LRP1B: variants seen among roughly 807,000 people sequenced by gnomAD.
The protein encoded by LRP1B is LDL receptor related protein 1B, also known as low-density lipoprotein receptor-related protein 1B.
Under a neutral mutation model 556.6 loss-of-function variants are expected in LRP1B, and 217 were observed. The observed-to-expected ratio is 0.39, with a 90% CI of 0.35 to 0.44. The LOEUF (loss-of-function observed/expected upper bound fraction) is 0.44. Among genes scored for constraint, LRP1B ranks in the 20% least tolerant of loss-of-function variants. The pLI is 1.00. For synonymous variants in LRP1B, 2,047 were observed against 1,865.8 expected (o/e 1.10, Z -2.50); for missense variants, 5,053 against 5,620.8 (o/e 0.90, Z 3.23).
At chr2:141,496,241 G>A (rs1235743562) in intron 2 of LRP1B, among the ~76,000 whole-genome samples, 1 of 151,554 alleles carries the variant, frequency 6.6e-6, no homozygotes, top group Non-Finnish European at 1.5e-5. Flanking sequence ...ATAAACATTT[G>A]GTAAATGCCA....
At chr2:140,516,570 CA>C (rs1689911275) in intron 50 of LRP1B, among the ~76,000 whole-genome samples, 1 of 151,824 alleles carries the variant, frequency 6.6e-6, no homozygotes, top group African/African-American at 2.4e-5. Context: ...TAGCAGAAAG[CA>C]AATACATCAG....
At chr2:140,824,166 T>C (rs988336551) in intron 31 of LRP1B, among the ~76,000 whole-genome samples, 2 of 151,996 alleles carry the variant, frequency 1.3e-5, no homozygotes, top group African/African-American at 2.4e-5. Context: ...TGAAATTCTT[T>C]AGTATTTTCT....
At chr2:140,510,617 C>G (rs1468509208) in intron 51 of LRP1B, among the ~76,000 whole-genome samples, 1 of 152,076 alleles carries the variant, frequency 6.6e-6, no homozygotes, top group Non-Finnish European at 1.5e-5. Context: ...TCCTAAGCAC[C>G]CTCTGAATCC....
intron 1 of LRP1B, among the ~76,000 whole-genome samples, chr2:141,822,130 C>CACACACAGAGAGAGAGAGAGAGAGAG (rs374369026): frequency 1.0e-5 from 1 of 95,864 alleles, no homozygotes; most frequent in Non-Finnish European, 2.0e-5. Context: ...CACACACACA[C>CACACACAGAGAGAGAGAGAGAGAGAG]AGAGAGAGAG....
chr2:141,657,576 T>C (rs1431327906), intron 2 of LRP1B, among the ~76,000 whole-genome samples: 1 of 151,044 alleles, frequency 6.6e-6, no homozygotes, highest in Non-Finnish European at 1.5e-5. Flanking sequence ...TTGTTTCAAT[T>C]ATACATTTCT....
Position 141,274,564 on chromosome 2 carries a change from G to C in LRP1B, c.344-19923C>G, listed in dbSNP as rs185759878. On this transcript the variant is annotated intron_variant, in intron 3 of 90. Coordinates refer to ENST00000389484, the MANE Select transcript of LRP1B (RefSeq NM_018557.3). ...ACTGGGGGATATTGTGGGAAAATGA[G>C]GAGTGACTGCTAATGGATGCATGGC... Among the ~76,000 whole-genome samples the C allele has an allele frequency of 7.2e-5, 11 of 152,168 alleles. No homozygotes were observed. The East Asian group carries it at 2.1e-3, about 29-fold the overall frequency.
intron 3 of LRP1B, among the ~76,000 whole-genome samples, chr2:141,379,121 G>A (rs959586999): frequency 1.8e-4 from 28 of 152,188 alleles, no homozygotes; most frequent in Admixed American, 5.9e-4. Context: ...CAGTAAAGAA[G>A]CAGCAATTCA....
intron 35 of LRP1B, among the ~76,000 whole-genome samples, chr2:140,765,384 G>A (rs1689065779): frequency 6.6e-6 from 1 of 152,154 alleles, no homozygotes; most frequent in Non-Finnish European, 1.5e-5. Context: ...AGGGAGAACT[G>A]AATATTGAAT....
At chr2:141,390,068 G>A (rs1056707523) in intron 3 of LRP1B, among the ~76,000 whole-genome samples, 1 of 152,126 alleles carries the variant, frequency 6.6e-6, no homozygotes, top group East Asian at 1.9e-4. Context: ...AACCTGGGAG[G>A]TGGAGCTTGC....
At chr2:141,846,766 C>T (rs546607763) in intron 1 of LRP1B, among the ~76,000 whole-genome samples, 15 of 151,340 alleles carry the variant, frequency 9.9e-5, no homozygotes, top group African/African-American at 3.6e-4. Flanking sequence ...ACACAAAAAA[C>T]ATAGGATCGT....
rs376491519 is a variant in LRP1B, at chr2:141,442,584, C to A, written c.343+37812G>T. Among the ~76,000 whole-genome samples, 4 of 152,192 alleles carry A rather than the reference C, an allele frequency of 2.6e-5. No individual in the cohort carries two copies. In the East Asian group the frequency reaches 5.8e-4, roughly 22 times the overall value. The stretch of plus-strand genomic sequence containing the variant: ...CCTAATGCTATCCCTCCCTCAGCCC[C>A]CAACCTGCAAACATGCCCCAGTGTG... On this transcript the variant is annotated intron_variant, in intron 3 of 90. Transcript: ENST00000389484.
At chr2:140,926,056 C>CTTTT (rs70991119) in intron 20 of LRP1B, among the ~76,000 whole-genome samples, 30 of 86,004 alleles carry the variant, frequency 3.5e-4, no homozygotes, top group East Asian at 1.2e-3. Flanking sequence ...TGGAGATTTT[C>CTTTT]TTTTTTTTTT....
At chr2:140,321,496 G>GT (rs1396444715) in intron 82 of LRP1B, among the ~76,000 whole-genome samples, 2 of 151,752 alleles carry the variant, frequency 1.3e-5, no homozygotes, top group East Asian at 3.9e-4. Context: ...TAGTAGTATT[G>GT]TAAGTCCCAT....
intron 7 of LRP1B, among the ~76,000 whole-genome samples, chr2:141,185,059 AT>A (rs1384459843): frequency 3.9e-5 from 6 of 152,076 alleles, no homozygotes; most frequent in African/African-American, 1.4e-4. Flanking sequence ...AGTGTTGAAA[AT>A]ATTAGCAATT....
intron 41 of LRP1B, among the ~76,000 whole-genome samples, chr2:140,683,043 A>C (rs1559052803): frequency 6.6e-6 from 1 of 152,196 alleles, no homozygotes; most frequent in Non-Finnish European, 1.5e-5. Flanking sequence ...TAAATAAATA[A>C]ATCTTTTGTC....
intron 7 of LRP1B, among the ~76,000 whole-genome samples, chr2:141,169,263 G>A (rs1680392274): frequency 6.6e-6 from 1 of 150,496 alleles, no homozygotes; most frequent in Non-Finnish European, 1.5e-5. Context: ...TCCAGCCTGG[G>A]TGACAAAGCA....
At chr2:140,765,762 G>A (rs1488609962) in intron 35 of LRP1B, among the ~76,000 whole-genome samples, 1 of 152,066 alleles carries the variant, frequency 6.6e-6, no homozygotes, top group Admixed American at 6.6e-5. Flanking sequence ...CTTATGAAAT[G>A]CACAGGTTTT....
chr2:141,739,820 C>CT (rs919475985), intron 2 of LRP1B, among the ~76,000 whole-genome samples: 1 of 151,958 alleles, frequency 6.6e-6, no homozygotes, highest in African/African-American at 2.4e-5. Flanking sequence ...CCTGAAATAT[C>CT]TTTTTCTGAC....
At chr2:141,781,751 A>T (rs1484009928) in intron 2 of LRP1B, among the ~76,000 whole-genome samples, 1 of 152,176 alleles carries the variant, frequency 6.6e-6, no homozygotes, top group African/African-American at 2.4e-5. Context: ...TAGATAAAAG[A>T]CATGTATGCA....
Sources: gnomAD v4.1 joint callset for allele counts (sites outside exome capture counted in the v4.1 genomes callset) on GRCh38, gnomAD v4.1.1 for gene constraint, MANE v1.5 for transcripts, NCBI Gene and HGNC (gene_info 2026-07-23, HGNC 2026-07-21) for gene names.